Variants in FAM200B observed in about 807,000 individuals in gnomAD.
FAM200B encodes the protein protein FAM200B.
In FAM200B, 32 loss-of-function variants were observed where a neutral mutation model predicts 33.1. The ratio of observed to expected loss-of-function variants is 0.97; its 90% CI spans 0.73 to 1.30. FAM200B has a LOEUF of 1.30. Among genes scored for constraint, FAM200B ranks in the 50% most tolerant of loss-of-function variants. FAM200B has a pLI of 0.00. For synonymous variants in FAM200B, 240 were observed against 264.8 expected (o/e 0.91, Z 0.91); for missense variants, 741 against 754.0 (o/e 0.98, Z 0.20).
Position 15,688,578 on chromosome 4 carries a change from A to G in FAM200B, c.1601A>G (p.Asn534Ser). The G allele has an allele frequency of 6.4e-7, 1 of 1,550,972 alleles. No homozygotes were observed. Among genetic ancestry groups the G allele is most frequent in the Non-Finnish European group, 8.7e-7 (1 of 1,146,550 alleles). ...PEEKFETLRE[N>S]SWVKDPFAFR... is the part of the protein sequence containing the mutation. ...GAAAAATTTGAAACATTAAGGGAAA[A>G]CAGTTGGGTAAAAGATCCATTTGCT... The change falls in exon 2 of 2, where the codon AAC (asparagine) becomes AGC (serine). Residue 534 changes from asparagine (N) to serine (S), a missense_variant. By Grantham distance (46) the Asn-to-Ser change is conservative. Coordinates refer to ENST00000422728, the MANE Select transcript of FAM200B (RefSeq NM_001145191.2).
At chr4:15,644,480 T>C in the FAM200B span, 29 of 1,588,708 alleles carry the variant, frequency 1.8e-5, no homozygotes, top group Non-Finnish European at 2.2e-5. Context: ...GAATATCCAT[T>C]TTTGCAACTT....
At chr4:15,664,727 T>G in the FAM200B span, among the ~76,000 whole-genome samples, 19 of 151,544 alleles carry the variant, frequency 1.3e-4, no homozygotes, top group African/African-American at 4.6e-4. Flanking sequence ...CCGGCTAACT[T>G]TTGTATTTTT....
chr4:15,655,311 C>T, the FAM200B span: 1 of 1,374,512 alleles, frequency 7.3e-7, no homozygotes, highest in Non-Finnish European at 9.6e-7. Flanking sequence ...GCCTCCGCCT[C>T]AGCAGCCGCG....
intron 1 of FAM200B, among the ~76,000 whole-genome samples, chr4:15,683,645 A>G (rs1718562199): frequency 6.6e-6 from 1 of 152,168 alleles, no homozygotes; most frequent in South Asian, 2.1e-4. Context: ...GCTAAATCTA[A>G]ATTTACATGT....
In FAM200B at chr4:15,688,035, T is replaced by A; in HGVS notation, c.1058T>A (p.Val353Asp). The A allele has an allele frequency of 6.4e-7, 1 of 1,551,186 alleles. No individual in the cohort carries two copies. The highest frequency in any genetic ancestry group is 8.7e-7 in the Non-Finnish European group (1 of 1,146,696). ...GTATTGAAAAATGCAGTGAAAGTTG[T>A]TAATTTTATTAAAGGAAGCTCATTG... The part of the protein sequence containing the change: ...MEVLKNAVKV[V>D]NFIKGSSLNS... The change falls in exon 2 of 2, where the codon GTT becomes GAT. Residue 353 changes from valine to aspartate, a missense_variant. Physicochemically the swap from Val to Asp is radical, Grantham distance 152. Coordinates refer to ENST00000422728, the MANE Select transcript of FAM200B (RefSeq NM_001145191.2).
the FAM200B span, among the ~76,000 whole-genome samples, chr4:15,667,258 A>T: frequency 6.6e-6 from 1 of 152,208 alleles, no homozygotes; most frequent in South Asian, 2.1e-4. Context: ...GCAGTCCATG[A>T]GAAAACATGT....
At chr4:15,683,909 C>G (rs1436872966) in intron 1 of FAM200B, among the ~76,000 whole-genome samples, 2 of 152,268 alleles carry the variant, frequency 1.3e-5, no homozygotes, top group Middle Eastern at 3.4e-3. Context: ...TACCATACAG[C>G]AAGCACTATT....
At chr4:15,659,586 G>A in the FAM200B span, 2 of 230,304 alleles carry the variant, frequency 8.7e-6, no homozygotes, top group Admixed American at 1.3e-4. Flanking sequence ...TTGAAGAGAA[G>A]TTTAGATAAT....
At chr4:15,681,145 G>C (rs1039521553), upstream of FAM200B, 1 of 152,024 alleles carries the variant, frequency 6.6e-6, no homozygotes, top group Non-Finnish European at 1.5e-5. Flanking sequence ...AAAAATCAAT[G>C]ATCTGCTAAC....
Position 15,687,801 on chromosome 4 carries a change from A to G in FAM200B, c.824A>G (p.Glu275Gly), listed in dbSNP as rs1425691733. 6.4e-7 allele frequency: 1 copy of G among 1,550,870 alleles called. No individual in the cohort carries two copies. The highest frequency in any genetic ancestry group is 8.7e-7 in the Non-Finnish European group (1 of 1,146,654). ...CTAAGTGGATTAGATATTTTTACAGAATTAGAAAGGCGCATAGTTGGCCAA... is the reference window on the plus strand; with the variant it reads ...CTAAGTGGATTAGATATTTTTACAGGATTAGAAAGGCGCATAGTTGGCCAA... ...SHLSGLDIFT[E>G]LERRIVGQYK... The change falls in exon 2 of 2, where the codon GAA (glutamate) becomes GGA (glycine). Residue 275 changes from glutamate to glycine, a missense_variant. Physicochemically the swap from Glu to Gly is moderately conservative, Grantham distance 98. Transcript: ENST00000422728.
chr4:15,641,150 A>T, the FAM200B span, among the ~76,000 whole-genome samples: 14 of 152,284 alleles, frequency 9.2e-5, no homozygotes, highest in African/African-American at 3.1e-4. Flanking sequence ...ATTGATGTAT[A>T]TATAAATTAT....
At chr4:15,649,164 CA>C in the FAM200B span, among the ~76,000 whole-genome samples, 29 of 136,922 alleles carry the variant, frequency 2.1e-4, no homozygotes, top group African/African-American at 1.9e-4. Context: ...AAAACAAAGC[CA>C]AAAAAAAAAG....
At position 15,688,847 on chromosome 4, in the gene FAM200B, A is replaced by G. The variant is rs1366125656; in HGVS notation, c.1870A>G (p.Lys624Glu). The G allele has an allele frequency of 6.4e-7, 1 of 1,551,540 alleles. No individual in the cohort carries two copies. The highest frequency in any genetic ancestry group is 2.0e-5 in the Admixed American group (1 of 51,002). The change falls in exon 2 of 2, where the codon AAG becomes GAG. Residue 624 changes from lysine (K) to glutamate (E), a missense_variant. Transcript: ENST00000422728. ...GFSILTQLKT[K>E]ERNGLNCAAV... ...TTCCATCTTAACGCAGTTAAAAACAAAGGAAAGAAATGGGCTGAATTGTGC... is the reference window on the plus strand; with the variant it reads ...TTCCATCTTAACGCAGTTAAAAACAGAGGAAAGAAATGGGCTGAATTGTGC...
the FAM200B span, among the ~76,000 whole-genome samples, chr4:15,673,734 A>G: frequency 6.6e-6 from 1 of 152,206 alleles, no homozygotes; most frequent in African/African-American, 2.4e-5. Flanking sequence ...CCAGATCACT[A>G]GAATTCTCTC....
chr4:15,649,354 C>T, the FAM200B span, among the ~76,000 whole-genome samples: 19 of 151,884 alleles, frequency 1.3e-4, no homozygotes, highest in Admixed American at 6.6e-4. Context: ...CCGAGGCAGG[C>T]GGATCACAAG....
At chr4:15,666,907 TGTTA>T in the FAM200B span, among the ~76,000 whole-genome samples, 2 of 151,948 alleles carry the variant, frequency 1.3e-5, no homozygotes, top group Non-Finnish European at 2.9e-5. Flanking sequence ...GTGCTAAATG[TGTTA>T]ATTAGCTTGA....
rs749524610 is a variant in FAM200B, at chr4:15,686,411, A to G, written c.-567A>G. On this transcript the variant is annotated 5_prime_UTR_variant, in exon 2 of 2. Coordinates refer to ENST00000422728, the MANE Select transcript of FAM200B (RefSeq NM_001145191.2). ...CTTCAAGATGTTCTTATACAAGTCAACAGTCTAGCAGATCAGCCAGTCTCT... is the reference window on the plus strand; with the variant it reads ...CTTCAAGATGTTCTTATACAAGTCAGCAGTCTAGCAGATCAGCCAGTCTCT... 1.3e-5 allele frequency: 2 copies of G among 152,184 alleles called. No homozygotes were observed. Among genetic ancestry groups the G allele is most frequent in the Admixed American group, 6.5e-5 (1 of 15,274 alleles). 9.4% of individuals were successfully genotyped at this position (152,184 alleles called of 1,614,324 possible). A position where few individuals can be genotyped will look rare whatever the true frequency, so the allele number is the denominator to read the frequency against.
At position 15,689,554 on chromosome 4, in the gene FAM200B, T is replaced by C. The variant is rs1719212561; in HGVS notation, c.*603T>C. The C allele has an allele frequency of 1.2e-5, 2 of 166,826 alleles. No homozygotes were observed. Among genetic ancestry groups the C allele is most frequent in the East Asian group, 3.8e-4 (2 of 5,200 alleles). The allele number at this position is 166,826 out of a possible 1,614,324, so 10.3% of individuals were successfully genotyped here. On this transcript the variant is annotated 3_prime_UTR_variant, in exon 2 of 2. Coordinates refer to ENST00000422728, the MANE Select transcript of FAM200B (RefSeq NM_001145191.2). ...TTTGGCAGGCCATGGCAGAAGGCTC[T>C]GTTGAGCCCAGGAGTTCAAGACCAT...
chr4:15,687,258 C>G lies in FAM200B; in HGVS notation c.281C>G (p.Ala94Gly). The G allele has an allele frequency of 6.5e-7, 1 of 1,545,708 alleles. No homozygotes were observed. The highest frequency in any genetic ancestry group is 1.2e-5 in the South Asian group (1 of 82,332). The change falls in exon 2 of 2, where the codon GCG becomes GGG. Residue 94 changes from alanine to glycine, a missense_variant. By Grantham distance (60) the Ala-to-Gly change is moderately conservative. Coordinates refer to ENST00000422728, the MANE Select transcript of FAM200B (RefSeq NM_001145191.2). ...TGTGTTATTTGTAATAATATTCTTGCGAATGAAAGCTTAAAACCTTCGAAA... is the reference window on the plus strand; with the variant it reads ...TGTGTTATTTGTAATAATATTCTTGGGAATGAAAGCTTAAAACCTTCGAAA... ...PQCVICNNIL[A>G]NESLKPSKLK...
Sources: allele counts gnomAD v4.1 joint callset (sites outside exome capture counted in the v4.1 genomes callset), GRCh38; gene constraint gnomAD v4.1.1; transcripts MANE v1.5; gene names NCBI Gene and HGNC (gene_info 2026-07-23, HGNC 2026-07-21).